The following CLSTN2 variants were observed in gnomAD, a reference collection of about 807,000 sequenced individuals.
The protein encoded by CLSTN2 is calsyntenin 2, also known as calsyntenin-2.
A neutral mutation model predicts 101.2 loss-of-function variants in CLSTN2; 48 were observed. That is an observed-to-expected ratio of 0.47 (90% CI 0.38 to 0.60). CLSTN2 has a LOEUF of 0.60. Ranked by LOEUF, CLSTN2 falls within the 20% of genes least tolerant of loss-of-function variation. The pLI is 0.00. For missense variants in CLSTN2, 1,160 were observed against 1,238.2 expected, an observed-to-expected ratio of 0.94 and a Z score of 0.95; for synonymous variants, 481 against 463.6, an observed-to-expected ratio of 1.04 and a Z score of -0.48.
intron 2 of CLSTN2, among the ~76,000 whole-genome samples, chr3:140,377,042 A>ATGTG (rs61048276): frequency 0.026 from 3,940 of 149,754 alleles, 182 homozygotes; most frequent in African/African-American, 0.091. Context: ...GAGAGAGAGG[A>ATGTG]TGTGTGTGTG....
At chr3:140,336,765 C>A (rs1017623226) in intron 2 of CLSTN2, among the ~76,000 whole-genome samples, 3 of 152,184 alleles carry the variant, frequency 2.0e-5, no homozygotes, top group African/African-American at 7.2e-5. Flanking sequence ...TATCTTTTTT[C>A]ATGGAACCAT....
intron 1 of CLSTN2, among the ~76,000 whole-genome samples, chr3:140,135,321 C>G (rs2009598889): frequency 6.6e-6 from 1 of 151,780 alleles, no homozygotes; most frequent in Admixed American, 6.6e-5. Flanking sequence ...CCAAATAACA[C>G]CCTCTCCCTC....
chr3:140,119,798 G>A (rs759076533), intron 1 of CLSTN2, among the ~76,000 whole-genome samples: 5 of 152,156 alleles, frequency 3.3e-5, no homozygotes, highest in Non-Finnish European at 7.3e-5. Context: ...ACTGTGCCTG[G>A]TCAGCAGTAG....
chr3:140,093,975 C>T (rs1052768331), intron 1 of CLSTN2, among the ~76,000 whole-genome samples: 5 of 152,098 alleles, frequency 3.3e-5, no homozygotes, highest in Admixed American at 1.3e-4. Flanking sequence ...GAACACTGCC[C>T]GGGGGAATCT....
At chr3:140,092,709 A>G (rs2008799261) in intron 1 of CLSTN2, among the ~76,000 whole-genome samples, 1 of 152,116 alleles carries the variant, frequency 6.6e-6, no homozygotes, top group African/African-American at 2.4e-5. Flanking sequence ...ATTCCTGTGG[A>G]CTCGAGCAAG....
chr3:140,425,048 G>C (rs922751782), intron 5 of CLSTN2, among the ~76,000 whole-genome samples: 3 of 152,204 alleles, frequency 2.0e-5, no homozygotes, highest in Non-Finnish European at 2.9e-5. Flanking sequence ...CAAGCAACTG[G>C]AGTAACCAAG....
intron 1 of CLSTN2, among the ~76,000 whole-genome samples, chr3:140,105,548 T>C (rs943966612): frequency 6.6e-6 from 1 of 152,216 alleles, no homozygotes; most frequent in African/African-American, 2.4e-5. Context: ...TGGGCATCTA[T>C]ATTAGGTGAA....
chr3:140,031,332 G>A (rs757210378), intron 1 of CLSTN2, among the ~76,000 whole-genome samples: 1 of 152,192 alleles, frequency 6.6e-6, no homozygotes, highest in Non-Finnish European at 1.5e-5. Flanking sequence ...TTAGTGAGGA[G>A]AAAATAATCA....
chr3:140,036,417 A>G (rs755503948), intron 1 of CLSTN2, among the ~76,000 whole-genome samples: 1 of 152,128 alleles, frequency 6.6e-6, no homozygotes, highest in Non-Finnish European at 1.5e-5. Flanking sequence ...CGGCCTTGTG[A>G]AGTGTTTTCC....
At chr3:139,945,991 A>C (rs922819210) in intron 1 of CLSTN2, among the ~76,000 whole-genome samples, 2 of 152,216 alleles carry the variant, frequency 1.3e-5, no homozygotes, top group Admixed American at 6.5e-5. Flanking sequence ...CTTTTTAGTG[A>C]CACTTCCATT....
intron 2 of CLSTN2, among the ~76,000 whole-genome samples, chr3:140,358,324 C>T (rs985652820): frequency 6.6e-5 from 10 of 152,034 alleles, no homozygotes; most frequent in African/African-American, 1.7e-4. Flanking sequence ...GCTCTGGTCC[C>T]GGTGTGTGGC....
chr3:140,379,111 T>C (rs2087951524), intron 2 of CLSTN2, among the ~76,000 whole-genome samples: 1 of 152,224 alleles, frequency 6.6e-6, no homozygotes, highest in South Asian at 2.1e-4. Flanking sequence ...AGAAAGGTGC[T>C]AATTCAAACC....
chr3:139,935,546 G>A lies in CLSTN2; in HGVS notation c.109+63G>A, dbSNP rs1349825657. On this transcript the variant is annotated intron_variant, in intron 1 of 16. Coordinates refer to ENST00000458420, the MANE Select transcript of CLSTN2 (RefSeq NM_022131.3). This position sits in a 1 kb window ranked among gnomAD's most constrained non-coding sequence, Gnocchi z 5.5. Reference sequence around the variant, plus strand: ...AGGCAGGGCAGGCTTGAGGGTGAAAGCGGCAAGGACCTAGGCTCAAGCTGG... The same window carrying A: ...AGGCAGGGCAGGCTTGAGGGTGAAAACGGCAAGGACCTAGGCTCAAGCTGG... 3.4e-6 allele frequency: 3 copies of A among 872,396 alleles called. No individual in the cohort carries two copies. The highest frequency in any genetic ancestry group is 3.0e-6 in the Non-Finnish European group (2 of 659,724). The allele number at this position is 872,396 out of a possible 1,614,324, so 54.0% of individuals were successfully genotyped here. A position where few individuals can be genotyped will look rare whatever the true frequency, so the allele number is the denominator to read the frequency against.
At chr3:140,269,913 CAGAG>C (rs2086726852) in intron 2 of CLSTN2, among the ~76,000 whole-genome samples, 1 of 151,816 alleles carries the variant, frequency 6.6e-6, no homozygotes, top group African/African-American at 2.4e-5. Flanking sequence ...ACACTTATCT[CAGAG>C]AGGTTTTGTG....
intron 2 of CLSTN2, among the ~76,000 whole-genome samples, chr3:140,306,489 C>T (rs1559834310): frequency 6.6e-6 from 1 of 152,152 alleles, no homozygotes; most frequent in Non-Finnish European, 1.5e-5. Flanking sequence ...CTCTGAGGCC[C>T]AGGTTGAACC....
chr3:140,520,150 A>T (rs1342698908), intron 8 of CLSTN2, among the ~76,000 whole-genome samples: 1 of 152,194 alleles, frequency 6.6e-6, no homozygotes, highest in Non-Finnish European at 1.5e-5. Flanking sequence ...TCTGGCTTGT[A>T]GGGTTTCTGC....
chr3:140,296,405 A>G (rs1033052594), intron 2 of CLSTN2, among the ~76,000 whole-genome samples: 1 of 152,216 alleles, frequency 6.6e-6, no homozygotes, highest in African/African-American at 2.4e-5. Flanking sequence ...CTCACATCAG[A>G]CATCATCACA....
chr3:139,937,575 A>T (rs1935046795), intron 1 of CLSTN2, among the ~76,000 whole-genome samples: 1 of 80,158 alleles, frequency 1.2e-5, no homozygotes, highest in African/African-American at 6.6e-5. Context: ...CGTCTCTACT[A>T]AAAAAAAAAA....
chr3:140,423,089 A>C (rs2107992528), intron 5 of CLSTN2, among the ~76,000 whole-genome samples: 1 of 152,338 alleles, frequency 6.6e-6, no homozygotes, highest in Middle Eastern at 3.4e-3. Context: ...TGTCAGAAGA[A>C]TAGTCCCAAT....
Sources: gnomAD v4.1 joint callset for allele counts (sites outside exome capture counted in the v4.1 genomes callset) on GRCh38, gnomAD v4.1.1 for gene constraint, Gnocchi (gnomAD v3.1) non-coding constraint, MANE v1.5 for transcripts, NCBI Gene and HGNC (gene_info 2026-07-23, HGNC 2026-07-21) for gene names.